Variants in SERINC5 observed in about 807,000 individuals in gnomAD.
The protein encoded by SERINC5 is serine incorporator 5.
A neutral mutation model predicts 63.1 loss-of-function variants in SERINC5; 41 were observed. The observed-to-expected ratio is 0.65, with a 90% CI of 0.51 to 0.84. The LOEUF (loss-of-function observed/expected upper bound fraction) is 0.84, where lower values mean the gene tolerates loss of function less well. Among genes scored for constraint, SERINC5 ranks in the 40% least tolerant of loss-of-function variants. SERINC5 has a pLI of 0.00. For missense variants in SERINC5, 523 were observed against 573.0 expected (o/e 0.91, Z 0.89); for synonymous variants, 222 against 215.2 (o/e 1.03, Z -0.28).
chr5:80,178,729 CAT>C (rs1748220228), intron 2 of SERINC5, among the ~76,000 whole-genome samples: 1 of 151,630 alleles, frequency 6.6e-6, no homozygotes, highest in Non-Finnish European at 1.5e-5. Flanking sequence ...GATATGTATA[CAT>C]ATATACAAAT....
intron 6 of SERINC5, chr5:80,167,170 T>C (rs1488671115): frequency 6.6e-6 from 1 of 152,250 alleles, no homozygotes; most frequent in East Asian, 1.9e-4. Context: ...ATATAGATTA[T>C]TTCGTCACCC....
At chr5:80,158,697 G>A (rs529290624) in intron 8 of SERINC5, 139 bp downstream of exon 8, 5 of 739,952 alleles carry the variant, frequency 6.8e-6, no homozygotes, top group Admixed American at 2.9e-5. Flanking sequence ...ATGAGTTCAC[G>A]CTCTTCGCCT....
chr5:80,221,932 A>G (rs944834215), intron 1 of SERINC5, among the ~76,000 whole-genome samples: 18 of 152,006 alleles, frequency 1.2e-4, no homozygotes, highest in African/African-American at 4.4e-4. Context: ...GGGTCTCTTG[A>G]GCCCAGGAGT....
intron 11 of SERINC5, among the ~76,000 whole-genome samples, chr5:80,122,936 C>T (rs1744606955): frequency 6.6e-6 from 1 of 152,240 alleles, no homozygotes; most frequent in South Asian, 2.1e-4. Flanking sequence ...GCAACCAATA[C>T]CTTGATTTCC....
At chr5:80,222,831 C>T (rs1342043094) in intron 1 of SERINC5, among the ~76,000 whole-genome samples, 1 of 151,748 alleles carries the variant, frequency 6.6e-6, no homozygotes, top group Non-Finnish European at 1.5e-5. Flanking sequence ...GCCTCGGCCT[C>T]CCAAAGTGCT....
At chr5:80,149,525 C>T (rs796840338) in intron 9 of SERINC5, among the ~76,000 whole-genome samples, 4 of 152,276 alleles carry the variant, frequency 2.6e-5, no homozygotes, top group African/African-American at 7.2e-5. Context: ...GCTATTAAAA[C>T]GCAGGCAGTG....
Position 80,203,066 on chromosome 5 carries a change from C to G in SERINC5, c.28-13G>C. Reference sequence around the variant, plus strand: ...AGCAGCAGGCCAGCTAGAAAAGGAACAGAAGGCATCTGCTTAGAGCATGAT... The same window carrying G: ...AGCAGCAGGCCAGCTAGAAAAGGAAGAGAAGGCATCTGCTTAGAGCATGAT... On this transcript the variant is annotated splice_polypyrimidine_tract_variant and intron_variant, in intron 1 of 11. Coordinates refer to ENST00000507668, the MANE Select transcript of SERINC5 (RefSeq NM_001174072.3). 1 of 1,592,598 alleles carries G rather than the reference C, an allele frequency of 6.3e-7. No individual in the cohort carries two copies. The highest frequency in any genetic ancestry group is 1.3e-5 in the African/African-American group (1 of 74,454).
intron 1 of SERINC5, among the ~76,000 whole-genome samples, chr5:80,215,485 G>A (rs1390835943): frequency 2.0e-5 from 3 of 152,050 alleles, no homozygotes; most frequent in African/African-American, 7.2e-5. Context: ...AGATTAATAC[G>A]GCTACCTAAA....
intron 1 of SERINC5, among the ~76,000 whole-genome samples, chr5:80,208,439 G>A (rs918838076): frequency 2.6e-5 from 4 of 151,360 alleles, no homozygotes; most frequent in African/African-American, 9.7e-5. Flanking sequence ...AACAGTGCCT[G>A]CCCCCCCAAA....
intron 1 of SERINC5, among the ~76,000 whole-genome samples, chr5:80,209,940 T>C (rs1750353875): frequency 6.6e-6 from 1 of 150,546 alleles, no homozygotes; most frequent in Non-Finnish European, 1.5e-5. Flanking sequence ...CCCAGCTACT[T>C]GGGAGGCTGA....
At chr5:80,121,180 C>G (rs1282005841) in intron 11 of SERINC5, among the ~76,000 whole-genome samples, 2 of 152,174 alleles carry the variant, frequency 1.3e-5, no homozygotes, top group Non-Finnish European at 2.9e-5. Flanking sequence ...AGCCAACGCA[C>G]CCAGCCAAGA....
At chr5:80,204,850 A>G (rs1012702691) in intron 1 of SERINC5, among the ~76,000 whole-genome samples, 4 of 152,230 alleles carry the variant, frequency 2.6e-5, no homozygotes, top group Non-Finnish European at 5.9e-5. Context: ...ACACATACAA[A>G]TAAGAGTTGC....
rs1244745695 is a variant in SERINC5, at chr5:80,140,704, A to G, written c.*2959T>C. On this transcript the variant is annotated 3_prime_UTR_variant, in exon 12 of 12. Transcript: ENST00000507668. ...CTCCAGTCAGGTAACATGCCGCGGT[A>G]TGACACTCCCATAAGAACCCCCACC... The G allele has an allele frequency of 1.0e-6, 1 of 985,194 alleles. No individual in the cohort carries two copies. The highest frequency in any genetic ancestry group is 1.2e-6 in the Non-Finnish European group (1 of 829,900). 61.0% of individuals were successfully genotyped at this position (985,194 alleles called of 1,614,324 possible). A position where few individuals can be genotyped will look rare whatever the true frequency, so the allele number is the denominator to read the frequency against.
chr5:80,132,246 G>A (rs939688173), intron 11 of SERINC5, among the ~76,000 whole-genome samples: 2 of 152,088 alleles, frequency 1.3e-5, no homozygotes, highest in African/African-American at 2.4e-5. Flanking sequence ...TAAATAGCAC[G>A]GGCCACAGGG....
At chr5:80,169,215 CA>C (rs1247514199) in intron 6 of SERINC5, 119 bp downstream of exon 6, 1 of 780,844 alleles carries the variant, frequency 1.3e-6, no homozygotes, top group Non-Finnish European at 2.1e-6. Flanking sequence ...GACACATCCA[CA>C]GTAAGTTAAG....
At chr5:80,180,352 A>AG (rs1748338404) in intron 2 of SERINC5, among the ~76,000 whole-genome samples, 1 of 152,236 alleles carries the variant, frequency 6.6e-6, no homozygotes, top group South Asian at 2.1e-4. Flanking sequence ...AGTATCACAG[A>AG]GAAAAAATAG....
intron 7 of SERINC5, among the ~76,000 whole-genome samples, chr5:80,162,790 GCTT>G (rs1219980224): frequency 6.6e-6 from 1 of 151,712 alleles, no homozygotes; most frequent in Non-Finnish European, 1.5e-5. Flanking sequence ...AATGGGACTG[GCTT>G]CTTGATTTGG....
intron 1 of SERINC5, among the ~76,000 whole-genome samples, chr5:80,228,721 G>GT (rs1751285325): frequency 6.6e-6 from 1 of 152,002 alleles, no homozygotes; most frequent in African/African-American, 2.4e-5. Flanking sequence ...GAACCACCAT[G>GT]CCCAGCCAGG....
intron 2 of SERINC5, among the ~76,000 whole-genome samples, chr5:80,186,431 C>A (rs1206716592): frequency 6.6e-6 from 1 of 152,134 alleles, no homozygotes; most frequent in Non-Finnish European, 1.5e-5. Context: ...AGCCACCGCG[C>A]CCGACCTGTC....
Sources: gnomAD v4.1 joint callset for allele counts (sites outside exome capture counted in the v4.1 genomes callset) on GRCh38, gnomAD v4.1.1 for gene constraint, MANE v1.5 for transcripts, NCBI Gene and HGNC (gene_info 2026-07-23, HGNC 2026-07-21) for gene names.